The following SUFU variants were observed in gnomAD, a reference collection of about 807,000 sequenced individuals.
SUFU encodes the protein SUFU negative regulator of hedgehog signaling.
In SUFU, 7 loss-of-function variants were observed where a neutral mutation model predicts 58.9. That is an observed-to-expected ratio of 0.12 (90% CI 0.07 to 0.22). The LOEUF (loss-of-function observed/expected upper bound fraction) is 0.22, where lower values mean the gene tolerates loss of function less well. Ranked by LOEUF, SUFU falls within the 10% of genes least tolerant of loss-of-function variation. The pLI, the probability that SUFU is intolerant of heterozygous loss-of-function variation, is 1.00. For synonymous variants in SUFU, 232 were observed against 254.8 expected, an observed-to-expected ratio of 0.91 and a Z score of 0.85; for missense variants, 451 against 641.3, an observed-to-expected ratio of 0.70 and a Z score of 3.20.
At chr10:102,547,548 G>A (rs2062866594) in intron 2 of SUFU, among the ~76,000 whole-genome samples, 1 of 152,248 alleles carries the variant, frequency 6.6e-6, no homozygotes, top group South Asian at 2.1e-4. Context: ...TGGGCCAGGT[G>A]CTGTGGCTCT....
chr10:102,557,168 C>G (rs1264969525), intron 3 of SUFU, among the ~76,000 whole-genome samples: 1 of 150,932 alleles, frequency 6.6e-6, no homozygotes, highest in African/African-American at 2.4e-5. Flanking sequence ...GAGGTCAAGG[C>G]TACAGTTAGC....
chr10:102,528,738 T>C (rs1300086103), intron 2 of SUFU, among the ~76,000 whole-genome samples: 1 of 152,160 alleles, frequency 6.6e-6, no homozygotes, highest in Non-Finnish European at 1.5e-5. Flanking sequence ...ACTTGAGGAA[T>C]GCTGTGGGAA....
intron 2 of SUFU, among the ~76,000 whole-genome samples, chr10:102,529,220 G>T (rs1331675461): frequency 2.0e-5 from 3 of 152,100 alleles, no homozygotes; most frequent in African/African-American, 7.2e-5. Flanking sequence ...AATAATCTCT[G>T]CAGTTGTTTA....
intron 3 of SUFU, among the ~76,000 whole-genome samples, chr10:102,572,013 G>T (rs1293323139): frequency 6.6e-6 from 1 of 152,082 alleles, no homozygotes; most frequent in African/African-American, 2.4e-5. Flanking sequence ...TTTGTGTAGG[G>T]GTACAGTTCC....
intron 3 of SUFU, among the ~76,000 whole-genome samples, chr10:102,553,428 T>C (rs1479074282): frequency 1.3e-5 from 2 of 152,080 alleles, no homozygotes; most frequent in African/African-American, 4.8e-5. Context: ...TTGAGCTGCA[T>C]GTTCAAGATC....
intron 3 of SUFU, among the ~76,000 whole-genome samples, chr10:102,577,753 T>G (rs1458644848): frequency 6.8e-6 from 1 of 147,328 alleles, no homozygotes; most frequent in African/African-American, 2.5e-5. Context: ...CGATCCCGGC[T>G]CACTGCAAGC....
At chr10:102,606,308 T>C (rs1240311078) in intron 8 of SUFU, among the ~76,000 whole-genome samples, 6 of 152,226 alleles carry the variant, frequency 3.9e-5, no homozygotes, top group Non-Finnish European at 5.9e-5. Context: ...TTTAGATCAA[T>C]TGCACCTCTA....
At position 102,504,082 on chromosome 10, in the gene SUFU, C is replaced by A; in HGVS notation, c.-71C>A. Reference sequence around the variant, plus strand: ...GGGAGTCTCACCCACCGAGTCCGCCCGCTGGCCCGTCAGTGCTCTCCCCGT... The same window carrying A: ...GGGAGTCTCACCCACCGAGTCCGCCAGCTGGCCCGTCAGTGCTCTCCCCGT... On this transcript the variant is annotated 5_prime_UTR_variant, in exon 1 of 12. Transcript: ENST00000369902. 6.7e-7 allele frequency: 1 copy of A among 1,484,910 alleles called. No homozygotes were observed. Among genetic ancestry groups the A allele is most frequent in the South Asian group, 1.3e-5 (1 of 76,160 alleles). The allele number at this position is 1,484,910 out of a possible 1,614,324, so 92.0% of individuals were successfully genotyped here.
intron 3 of SUFU, chr10:102,572,913 G>T: frequency 3.4e-6 from 3 of 895,360 alleles, no homozygotes; most frequent in Admixed American, 3.4e-5. Context: ...TCTGGTGCTT[G>T]TTGGCTTTAA....
rs897669363 is a variant in SUFU, at chr10:102,629,858, G to T, written c.1366-208G>T. 6.6e-6 allele frequency among the ~76,000 whole-genome samples: 1 copy of T among 152,198 alleles called. No homozygotes were observed. The highest frequency in any genetic ancestry group is 1.5e-5 in the Non-Finnish European group (1 of 68,026). On this transcript the variant is annotated intron_variant, in intron 11 of 11. Coordinates refer to ENST00000369902, the MANE Select transcript of SUFU (RefSeq NM_016169.4). The surrounding 1 kb of genome is among the most constrained non-coding windows in gnomAD (Gnocchi z 4.7). ...CCCTCCTCCAACCTGCCTCATTATT[G>T]ACAGGCCGTGGGGAAAGAAGGGGTC... is the stretch of plus-strand genomic sequence containing the variant.
chr10:102,570,058 T>C (rs573102563), intron 3 of SUFU, among the ~76,000 whole-genome samples: 6 of 152,228 alleles, frequency 3.9e-5, no homozygotes, highest in South Asian at 4.1e-4. Flanking sequence ...TAACTCTTCA[T>C]TGGGATGTAG....
chr10:102,515,007 T>C (rs2062448923), intron 2 of SUFU, among the ~76,000 whole-genome samples: 1 of 152,208 alleles, frequency 6.6e-6, no homozygotes, highest in South Asian at 2.1e-4. Flanking sequence ...CTCACCACCA[T>C]GGGTGATCTA....
intron 2 of SUFU, among the ~76,000 whole-genome samples, chr10:102,534,923 T>C (rs532774120): frequency 6.6e-6 from 1 of 152,138 alleles, no homozygotes; most frequent in East Asian, 1.9e-4. Context: ...ATGGGAGATG[T>C]GTATGTGTGT....
intron 3 of SUFU, among the ~76,000 whole-genome samples, chr10:102,561,917 T>C (rs1458756201): frequency 6.6e-6 from 1 of 151,962 alleles, no homozygotes; most frequent in Admixed American, 6.6e-5. Flanking sequence ...GATCTGCCCA[T>C]GTTGGCCTCC....
At chr10:102,618,634 A>T (rs1025852858) in intron 10 of SUFU, 1 of 194,462 alleles carries the variant, frequency 5.1e-6, no homozygotes, top group Non-Finnish European at 1.0e-5. Context: ...TTTGAACCAT[A>T]AAGTTATAAA....
chr10:102,627,933 C>T (rs528563595), intron 11 of SUFU, among the ~76,000 whole-genome samples: 9 of 152,198 alleles, frequency 5.9e-5, no homozygotes, highest in East Asian at 1.9e-4. Flanking sequence ...TCCCCTCCCC[C>T]GCTCCTGCCC....
intron 5 of SUFU, 127 bp from the exon 6 acceptor site, chr10:102,593,866 G>T: frequency 2.2e-6 from 3 of 1,383,340 alleles, no homozygotes; most frequent in Non-Finnish European, 3.1e-6. Context: ...CTCACTCCCT[G>T]ACAGTCCCTG....
intron 6 of SUFU, among the ~76,000 whole-genome samples, chr10:102,596,849 G>T (rs2063467697): frequency 6.6e-6 from 1 of 152,160 alleles, no homozygotes; most frequent in African/African-American, 2.4e-5. Flanking sequence ...AACAGGTAGA[G>T]GCCATTGTGC....
intron 2 of SUFU, among the ~76,000 whole-genome samples, chr10:102,545,116 CTTTTTTT>C (rs555758506): frequency 7.0e-6 from 1 of 143,310 alleles, no homozygotes; most frequent in African/African-American, 2.5e-5. Context: ...TTTCTTTTTT[CTTTTTTT>C]TTTTAGACAA....
Sources: allele counts gnomAD v4.1 joint callset (sites outside exome capture counted in the v4.1 genomes callset), GRCh38; gene constraint gnomAD v4.1.1; non-coding constraint Gnocchi (gnomAD v3.1); transcripts MANE v1.5; gene names NCBI Gene and HGNC (gene_info 2026-07-23, HGNC 2026-07-21).